The following SHISA9 variants were observed in gnomAD, a reference collection of about 807,000 sequenced individuals.
SHISA9 encodes the protein shisa family member 9, also known as protein shisa-9.
In SHISA9, 13 loss-of-function variants were observed where a neutral mutation model predicts 38.0. The ratio of observed to expected loss-of-function variants is 0.34; its 90% CI spans 0.22 to 0.54. The LOEUF (loss-of-function observed/expected upper bound fraction) is 0.54, where lower values mean the gene tolerates loss of function less well. SHISA9 is among the 20% of genes least tolerant of loss of function. The probability of loss-of-function intolerance (pLI) is 0.91; values close to 1 mark genes in which losing one functional copy is unlikely to be tolerated. For missense variants in SHISA9, 538 were observed against 575.8 expected (o/e 0.93, Z 0.67); for synonymous variants, 275 against 242.0 (o/e 1.14, Z -1.27).
intron 2 of SHISA9, among the ~76,000 whole-genome samples, chr16:13,133,394 G>C (rs1458790859): frequency 5.6e-4 from 86 of 152,258 alleles, no homozygotes; most frequent in Non-Finnish European, 7.4e-5. Context: ...TAATAGTTTG[G>C]TAAGTAGTGG....
chr16:13,012,362 C>T (rs1040583929), intron 2 of SHISA9, among the ~76,000 whole-genome samples: 1 of 152,012 alleles, frequency 6.6e-6, no homozygotes, highest in Non-Finnish European at 1.5e-5. Context: ...AGGAATCAGC[C>T]AGGGAATATT....
intron 2 of SHISA9, among the ~76,000 whole-genome samples, chr16:13,181,636 G>A (rs76665589): frequency 2.2e-3 from 331 of 152,096 alleles, no homozygotes; most frequent in Non-Finnish European, 3.2e-3. Flanking sequence ...GTCATAGCTC[G>A]TGTGTTAGAG....
intron 2 of SHISA9, among the ~76,000 whole-genome samples, chr16:13,199,110 T>C (rs1008285237): frequency 6.6e-6 from 1 of 152,232 alleles, no homozygotes; most frequent in African/African-American, 2.4e-5. Context: ...TAGTATTTTC[T>C]CTGGCAGACC....
the SHISA9 span, among the ~76,000 whole-genome samples, chr16:13,425,871 G>C: frequency 6.6e-6 from 1 of 152,168 alleles, no homozygotes; most frequent in South Asian, 2.1e-4. Flanking sequence ...AGACCCCAGA[G>C]TAACTCTGAT....
the SHISA9 span, among the ~76,000 whole-genome samples, chr16:13,328,907 A>ATT: frequency 6.6e-6 from 1 of 151,790 alleles, no homozygotes; most frequent in Admixed American, 6.6e-5. Context: ...CCCCCAAATC[A>ATT]TTTTTTTTCC....
the SHISA9 span, among the ~76,000 whole-genome samples, chr16:13,463,920 T>C: frequency 0.028 from 4,209 of 152,374 alleles, 81 homozygotes; most frequent in Non-Finnish European, 0.045. Flanking sequence ...TGCTTCACTA[T>C]TTAGTTGGCA....
chr16:12,970,349 ATGTG>A (rs560986901), intron 2 of SHISA9, among the ~76,000 whole-genome samples: 7 of 75,008 alleles, frequency 9.3e-5, no homozygotes, highest in African/African-American at 3.8e-4. Context: ...ATATACATAT[ATGTG>A]TATATATATA....
At chr16:13,159,074 A>G (rs1396393873) in intron 2 of SHISA9, among the ~76,000 whole-genome samples, 3 of 149,890 alleles carry the variant, frequency 2.0e-5, no homozygotes, top group Non-Finnish European at 4.4e-5. Flanking sequence ...AAAAAAAAAC[A>G]AAACCAAAAA....
chr16:13,418,345 C>T, the SHISA9 span, among the ~76,000 whole-genome samples: 2 of 152,184 alleles, frequency 1.3e-5, no homozygotes, highest in African/African-American at 4.8e-5. Flanking sequence ...GTCCATGTTC[C>T]ACAATGTCTA....
the SHISA9 span, among the ~76,000 whole-genome samples, chr16:13,410,191 A>C: frequency 6.6e-6 from 1 of 152,224 alleles, no homozygotes; most frequent in Non-Finnish European, 1.5e-5. Flanking sequence ...GATTTTTAGT[A>C]TGAAATTTGT....
intron 2 of SHISA9, among the ~76,000 whole-genome samples, chr16:13,150,106 T>C (rs1482564510): frequency 6.7e-6 from 1 of 149,954 alleles, no homozygotes; most frequent in African/African-American, 2.4e-5. Flanking sequence ...CTGGCCAAGA[T>C]TGACTTCTAA....
intron 2 of SHISA9, among the ~76,000 whole-genome samples, chr16:13,161,590 C>T (rs1030068940): frequency 3.9e-5 from 6 of 152,174 alleles, no homozygotes; most frequent in African/African-American, 4.8e-5. Context: ...TCCCCTCCTA[C>T]GTTGGTCCAG....
the SHISA9 span, among the ~76,000 whole-genome samples, chr16:13,433,838 C>T: frequency 5.6e-4 from 86 of 152,284 alleles, no homozygotes; most frequent in Non-Finnish European, 1.1e-3. Context: ...TTGGCTTTGA[C>T]CATCTATTGT....
At chr16:12,915,087 G>C (rs544241990) in intron 1 of SHISA9, among the ~76,000 whole-genome samples, 6 of 152,186 alleles carry the variant, frequency 3.9e-5, no homozygotes, top group Non-Finnish European at 8.8e-5. Context: ...GGGCATGGGG[G>C]TATATCCCCA....
chr16:13,006,737 C>T (rs1244431048), intron 2 of SHISA9, among the ~76,000 whole-genome samples: 2 of 152,194 alleles, frequency 1.3e-5, no homozygotes, highest in Non-Finnish European at 2.9e-5. Flanking sequence ...GGGAAATAGA[C>T]ATCCGTCACT....
chr16:13,076,295 T>C (rs560630942), intron 2 of SHISA9, among the ~76,000 whole-genome samples: 2 of 152,306 alleles, frequency 1.3e-5, no homozygotes, highest in Admixed American at 1.3e-4. Context: ...CCTCCCAAAA[T>C]GCTGGGATTA....
chr16:13,340,893 T>C, the SHISA9 span, among the ~76,000 whole-genome samples: 1 of 152,162 alleles, frequency 6.6e-6, no homozygotes, highest in African/African-American at 2.4e-5. Context: ...TTCTCCTCTT[T>C]CCAATATAAT....
the SHISA9 span, among the ~76,000 whole-genome samples, chr16:13,508,779 G>A: frequency 6.6e-6 from 1 of 152,098 alleles, no homozygotes; most frequent in African/African-American, 2.4e-5. Context: ...CTTTCATGAG[G>A]AGAAAGACAT....
intron 2 of SHISA9, among the ~76,000 whole-genome samples, chr16:12,985,492 G>A (rs769110860): frequency 1.3e-5 from 2 of 152,120 alleles, no homozygotes; most frequent in East Asian, 1.9e-4. Flanking sequence ...TCCCTGGCAC[G>A]CTGTGGGCAC....
Sources: allele counts gnomAD v4.1 joint callset (sites outside exome capture counted in the v4.1 genomes callset), GRCh38; gene constraint gnomAD v4.1.1; transcripts MANE v1.5; gene names NCBI Gene and HGNC (gene_info 2026-07-23, HGNC 2026-07-21).